PTER: variants seen among roughly 807,000 people sequenced by gnomAD.
The protein encoded by PTER is phosphotriesterase related, also known as N-acetyltaurine hydrolase.
PTER carries 38 observed loss-of-function variants against 29.6 expected under a neutral mutation model. The ratio of observed to expected loss-of-function variants is 1.28; its 90% CI spans 0.99 to 1.68. The LOEUF (loss-of-function observed/expected upper bound fraction) is 1.68. Ranked by LOEUF, PTER falls within the 40% of genes most tolerant of loss-of-function variation. The pLI, the probability that PTER is intolerant of heterozygous loss-of-function variation, is 0.00. For missense variants in PTER, 482 were observed against 427.8 expected, an observed-to-expected ratio of 1.13 and a Z score of -1.12; for synonymous variants, 172 against 154.5, an observed-to-expected ratio of 1.11 and a Z score of -0.84.
intron 4 of PTER, 49 bp from the exon 5 acceptor site, chr10:16,510,997 A>G (rs765906740): frequency 2.0e-6 from 3 of 1,529,634 alleles, no homozygotes; most frequent in African/African-American, 2.7e-5. Flanking sequence ...CATCCTGAAA[A>G]GCGAAAATGA....
At chr10:16,506,709 G>A (rs1344201914) in intron 4 of PTER, among the ~76,000 whole-genome samples, 1 of 152,020 alleles carries the variant, frequency 6.6e-6, no homozygotes, top group Non-Finnish European at 1.5e-5. Flanking sequence ...AGGAGACTGA[G>A]GACACATGGC....
At chr10:16,459,651 C>T (rs1284787142) in intron 1 of PTER, among the ~76,000 whole-genome samples, 1 of 152,164 alleles carries the variant, frequency 6.6e-6, no homozygotes, top group Non-Finnish European at 1.5e-5. Flanking sequence ...GTTCTTGCTC[C>T]TTGGTCTAAA....
chr10:16,462,463 T>C (rs1834649402), intron 1 of PTER, among the ~76,000 whole-genome samples: 1 of 152,182 alleles, frequency 6.6e-6, no homozygotes, highest in Non-Finnish European at 1.5e-5. Flanking sequence ...GGTTTGTTTA[T>C]AGCAGTATCC....
At chr10:16,469,557 A>G (rs985650662) in intron 1 of PTER, among the ~76,000 whole-genome samples, 3 of 152,190 alleles carry the variant, frequency 2.0e-5, no homozygotes, top group Admixed American at 2.0e-4. Context: ...TACGGGATTT[A>G]GAAACTGAGT....
At chr10:16,507,962 A>T (rs1250140097) in intron 4 of PTER, among the ~76,000 whole-genome samples, 2 of 152,378 alleles carry the variant, frequency 1.3e-5, no homozygotes, top group East Asian at 3.9e-4. Flanking sequence ...TGGAATTTAA[A>T]ATAGTGCAGT....
rs146528412 is a variant in PTER, at chr10:16,511,375, T to C, written c.*119T>C. The C allele has an allele frequency of 4.7e-4, 440 of 933,216 alleles. No individual in the cohort carries two copies. In the African/African-American group the frequency reaches 6.3e-3, roughly 13 times the overall value. 57.8% of individuals were successfully genotyped at this position (933,216 alleles called of 1,614,324 possible). A position where few individuals can be genotyped will look rare whatever the true frequency, so the allele number is the denominator to read the frequency against. On this transcript the variant is annotated 3_prime_UTR_variant, in exon 5 of 5. Coordinates refer to ENST00000535784, the MANE Select transcript of PTER (RefSeq NM_001261836.2). ...GGACTAATGACAGATCATTTCCTTC[T>C]GATGAGAACTAGGAGGGTTTGCCTT...
At chr10:16,446,304 C>T (rs183272072) in intron 1 of PTER, among the ~76,000 whole-genome samples, 8 of 151,994 alleles carry the variant, frequency 5.3e-5, no homozygotes, top group Admixed American at 5.2e-4. Flanking sequence ...CAACCTCCAC[C>T]ACCTCCCGGG....
At chr10:16,489,376 A>T (rs10904750) in intron 3 of PTER, among the ~76,000 whole-genome samples, 19,809 of 152,138 alleles carry the variant, frequency 0.13, 1,633 homozygotes, top group East Asian at 0.38. Context: ...ATAACTTGTA[A>T]TTGATAAATC....
intron 2 of PTER, among the ~76,000 whole-genome samples, chr10:16,485,115 C>A (rs1178376958): frequency 6.6e-6 from 1 of 152,178 alleles, no homozygotes; most frequent in Non-Finnish European, 1.5e-5. Context: ...TTGTGTGTAT[C>A]GTATCTGTCC....
At chr10:16,495,168 C>CTTTTTTTTTTTTTTTTTTTTTTTTTTATT (rs3047217) in intron 3 of PTER, among the ~76,000 whole-genome samples, 1 of 132,210 alleles carries the variant, frequency 7.6e-6, no homozygotes, top group Non-Finnish European at 1.6e-5. Context: ...TTTGGAATTA[C>CTTTTTTTTTTTTTTTTTTTTTTTTTTATT]TTTTTTTTTT....
intron 3 of PTER, among the ~76,000 whole-genome samples, chr10:16,504,172 A>G (rs995555268): frequency 6.6e-6 from 1 of 151,686 alleles, no homozygotes; most frequent in Non-Finnish European, 1.5e-5. Context: ...GGATCTCTAC[A>G]GTGGTATTTT....
intron 4 of PTER, among the ~76,000 whole-genome samples, chr10:16,508,345 T>C (rs578094460): frequency 1.3e-5 from 2 of 152,078 alleles, no homozygotes; most frequent in African/African-American, 2.4e-5. Flanking sequence ...TGGGATTACA[T>C]GTGTGAGCCA....
intron 1 of PTER, among the ~76,000 whole-genome samples, chr10:16,469,314 C>G (rs1436193380): frequency 2.6e-5 from 4 of 152,062 alleles, no homozygotes; most frequent in Non-Finnish European, 5.9e-5. Flanking sequence ...CTATCAGGCT[C>G]TATGTTCAGA....
downstream of PTER, chr10:16,514,614 A>C (rs1029691573): frequency 6.8e-6 from 11 of 1,613,878 alleles, no homozygotes; most frequent in Non-Finnish European, 9.3e-6. Flanking sequence ...AATTTGATAT[A>C]GACTTCATCT....
At chr10:16,458,912 C>G (rs1185776516) in intron 1 of PTER, among the ~76,000 whole-genome samples, 2 of 152,082 alleles carry the variant, frequency 1.3e-5, no homozygotes, top group Non-Finnish European at 2.9e-5. Context: ...TCCCTCAATA[C>G]AAGAGACTAA....
chr10:16,507,264 T>A (rs910093438), intron 4 of PTER, among the ~76,000 whole-genome samples: 1 of 151,366 alleles, frequency 6.6e-6, no homozygotes, highest in African/African-American at 2.4e-5. Flanking sequence ...TATATATATG[T>A]GTGTGTGTAT....
chr10:16,469,499 G>A (rs1834967800), intron 1 of PTER, among the ~76,000 whole-genome samples: 1 of 144,450 alleles, frequency 6.9e-6, no homozygotes, highest in South Asian at 2.2e-4. Context: ...TCGTGACTGT[G>A]AGAATGAAGG....
At position 16,484,600 on chromosome 10, in the gene PTER, A is replaced by G. The variant is rs1158467024; in HGVS notation, c.216A>G (p.Gln72=). 2.5e-6 allele frequency: 4 copies of G among 1,614,152 alleles called. No homozygotes were observed. Among genetic ancestry groups the G allele is most frequent in the Non-Finnish European group, 3.4e-6 (4 of 1,180,006 alleles). The change falls in exon 2 of 5, where the codon CAA becomes CAG. Residue 72 remains glutamine, a synonymous_variant. Coordinates refer to ENST00000535784, the MANE Select transcript of PTER (RefSeq NM_001261836.2). ...KNAYSHKENL[Q]LNQETEAIKE... is the part of the protein sequence containing the mutation. ...CCTATTCCCATAAAGAAAACCTTCA[A>G]TTAAATCAGGAGACAGAAGCCATAA...
intron 4 of PTER, among the ~76,000 whole-genome samples, chr10:16,510,423 A>C (rs1836766282): frequency 6.6e-6 from 1 of 152,266 alleles, no homozygotes; most frequent in South Asian, 2.1e-4. Context: ...CTCAGAGGCT[A>C]CAACTAAATC....
Sources: gnomAD v4.1 joint callset for allele counts (sites outside exome capture counted in the v4.1 genomes callset) on GRCh38, gnomAD v4.1.1 for gene constraint, MANE v1.5 for transcripts, NCBI Gene and HGNC (gene_info 2026-07-23, HGNC 2026-07-21) for gene names.